The following FBXO40 variants were observed in gnomAD, a reference collection of about 807,000 sequenced individuals.
FBXO40 encodes F-box only protein 40.
In FBXO40, 50 loss-of-function variants were observed where a neutral mutation model predicts 49.9. The ratio of observed to expected loss-of-function variants is 1.00; its 90% confidence interval spans 0.80 to 1.27. The LOEUF is 1.27. Ranked by LOEUF, FBXO40 falls within the 50% of genes most tolerant of loss-of-function variation. The pLI is 0.00. For missense variants in FBXO40, 895 were observed against 870.1 expected (o/e 1.03, Z -0.36); for synonymous variants, 340 against 320.2 (o/e 1.06, Z -0.66).
At chr3:121,615,160 G>A (rs1340861522) in intron 1 of FBXO40, among the ~76,000 whole-genome samples, 38 of 140,740 alleles carry the variant, frequency 2.7e-4, no homozygotes, top group Admixed American at 2.3e-4. Context: ...AGCCAAGATC[G>A]TGCCACTGCA....
At chr3:121,606,886 TGGGTTATG>T (rs1178276528) in intron 1 of FBXO40, among the ~76,000 whole-genome samples, 1 of 152,164 alleles carries the variant, frequency 6.6e-6, no homozygotes, top group African/African-American at 2.4e-5. Flanking sequence ...GGATAGGTAT[TGGGTTATG>T]CCTGCCGTGA....
intron 1 of FBXO40, among the ~76,000 whole-genome samples, chr3:121,605,010 T>C (rs1047010984): frequency 3.9e-5 from 6 of 152,090 alleles, no homozygotes; most frequent in Admixed American, 1.3e-4. Context: ...TCTCCCTCTG[T>C]TGCCGAGGCT....
chr3:121,621,453 G>GTGTGT lies in FBXO40; in HGVS notation c.24_25insTGTGT (p.Pro9CysfsTer29). 1 of 1,613,578 alleles carries GTGTGT rather than the reference G, an allele frequency of 6.2e-7. No homozygotes were observed. The highest frequency in any genetic ancestry group is 1.1e-5 in the South Asian group (1 of 90,990). On this transcript the variant is annotated frameshift_variant, in exon 3 of 4. Coordinates refer to ENST00000338040, the MANE Select transcript of FBXO40 (RefSeq NM_016298.4). LOFTEE classifies it high-confidence loss of function. ...TCCAGGGGAAAGCCCGCAGATCCCC[G>GTGTGT]CCAGGGCACCACAGGCATTGTGAGG... is the stretch of plus-strand genomic sequence containing the variant.
intron 3 of FBXO40, 65 bp from the exon 4 acceptor site, chr3:121,626,630 C>T: frequency 6.8e-7 from 1 of 1,460,540 alleles, no homozygotes; most frequent in Non-Finnish European, 9.6e-7. Flanking sequence ...TTATAGTGCC[C>T]AAATAAAGCC....
chr3:121,622,746 C>G lies in FBXO40; in HGVS notation c.1317C>G (p.Ser439=), dbSNP rs908218069. ...QTYNFEPEQF[S]SGTVLADLTA... ...ACAACTTTGAGCCAGAACAGTTTTC[C>G]TCTGGGACAGTGCTGGCTGACCTAA... The change falls in exon 3 of 4, where the codon TCC becomes TCG. Residue 439 remains serine, a synonymous_variant. Coordinates refer to ENST00000338040, the MANE Select transcript of FBXO40 (RefSeq NM_016298.4). 6.2e-7 allele frequency: 1 copy of G among 1,614,188 alleles called. No individual in the cohort carries two copies.
At chr3:121,616,464 T>C (rs1405395424) in intron 1 of FBXO40, among the ~76,000 whole-genome samples, 1 of 152,348 alleles carries the variant, frequency 6.6e-6, no homozygotes, top group Non-Finnish European at 1.5e-5. Context: ...CAAATGGCGA[T>C]TGAGCACTTG....
rs542314612 is a variant in FBXO40 at position 121,620,290 on chromosome 3, G to A, written c.-30-256G>A. 1.3e-4 allele frequency among the ~76,000 whole-genome samples: 20 copies of A among 152,294 alleles called. No homozygotes were observed. The South Asian group carries it at 1.9e-3, about 14-fold the overall frequency. On this transcript the variant is annotated intron_variant, in intron 1 of 3. Transcript: ENST00000338040. ...GTAATATGCCCTATCAGAGGGCAGCGGGGGTCAGTGAAAATAACATGGGCC... is the reference window on the plus strand; with the variant it reads ...GTAATATGCCCTATCAGAGGGCAGCAGGGGTCAGTGAAAATAACATGGGCC...
intron 1 of FBXO40, among the ~76,000 whole-genome samples, chr3:121,607,439 A>G (rs939961476): frequency 6.7e-5 from 10 of 149,004 alleles, no homozygotes; most frequent in African/African-American, 2.5e-4. Flanking sequence ...CCTCCCAAGT[A>G]GCTGAGACTA....
intron 1 of FBXO40, among the ~76,000 whole-genome samples, chr3:121,606,129 G>T (rs1464101): frequency 0.35 from 53,238 of 152,076 alleles, 9,897 homozygotes; most frequent in East Asian, 0.65. Context: ...GGAGGATCAG[G>T]AAGACTAACC....
At chr3:121,606,384 C>A (rs1447239339) in intron 1 of FBXO40, among the ~76,000 whole-genome samples, 5 of 152,174 alleles carry the variant, frequency 3.3e-5, no homozygotes, top group Non-Finnish European at 7.4e-5. Flanking sequence ...AACTGTGAAT[C>A]CCTTGCAGTT....
In FBXO40 at chr3:121,622,980, A is replaced by C; in HGVS notation, c.1551A>C (p.Gly517=). 1 of 1,614,102 alleles carries C rather than the reference A, an allele frequency of 6.2e-7. No individual in the cohort carries two copies. Among genetic ancestry groups the C allele is most frequent in the Non-Finnish European group, 8.5e-7 (1 of 1,180,034 alleles). ...ATCGATGCCCCCTCGCCTACTTGGG[A>C]TGTACATTTGTTCAAAACCATTTCC... is the stretch of plus-strand genomic sequence containing the variant. The part of the protein sequence containing the change: ...FQHRCPLAYL[G]CTFVQNHFRP... Residue 517 remains glycine (G), a synonymous_variant, in exon 3 of 4, where the codon GGA becomes GGC. Transcript: ENST00000338040.
rs2108851402 is a variant in FBXO40, at chr3:121,622,461, T to G, written c.1032T>G (p.Val344=). 1 of 1,614,204 alleles carries G rather than the reference T, an allele frequency of 6.2e-7. No individual in the cohort carries two copies. Among genetic ancestry groups the G allele is most frequent in the Non-Finnish European group, 8.5e-7 (1 of 1,180,038 alleles). ...ATGGCAAGCTGGAGGCTCAGGAAGT[T>G]AAGACTGTTTACACCTTCAAAGTTC... The part of the protein sequence containing the change: ...FVYGKLEAQE[V]KTVYTFKVPV... Residue 344 remains valine, a synonymous_variant, in exon 3 of 4, where the codon GTT becomes GTG. Coordinates refer to ENST00000338040, the MANE Select transcript of FBXO40 (RefSeq NM_016298.4).
chr3:121,607,839 T>G (rs2048940175), intron 1 of FBXO40, among the ~76,000 whole-genome samples: 1 of 152,184 alleles, frequency 6.6e-6, no homozygotes, highest in Non-Finnish European at 1.5e-5. Flanking sequence ...CAGGCTGAAG[T>G]CATCTGTTTT....
At position 121,626,982 on chromosome 3, in the gene FBXO40, G is replaced by A. The variant is rs148616532; in HGVS notation, c.*72G>A. The A allele has an allele frequency of 0.016, 23,054 of 1,442,460 alleles. 201 individuals are homozygous for A. The highest frequency in any genetic ancestry group is 0.019 in the Non-Finnish European group (20,102 of 1,034,896). The allele number at this position is 1,442,460 out of a possible 1,614,324, so 89.4% of individuals were successfully genotyped here. ...GTTCCTGAAGTAGGACAGAGTGTGT[G>A]GTTTTGAGGACTCCCTTCTGTAAAC... On this transcript the variant is annotated 3_prime_UTR_variant, in exon 4 of 4. Coordinates refer to ENST00000338040, the MANE Select transcript of FBXO40 (RefSeq NM_016298.4).
rs1576458144 is a variant in FBXO40 at position 121,628,888 on chromosome 3, C to T, written c.*1978C>T. The T allele has an allele frequency of 1.3e-5, 2 of 152,160 alleles. No individual in the cohort carries two copies. The allele number at this position is 152,160 out of a possible 1,614,324, so 9.4% of individuals were successfully genotyped here. ...CTTTGGTTATACCTGAAGCCAGGAGCGTTGAGTTATTAGCCTTGTGTTTAT... is the reference window on the plus strand; with the variant it reads ...CTTTGGTTATACCTGAAGCCAGGAGTGTTGAGTTATTAGCCTTGTGTTTAT... On this transcript the variant is annotated 3_prime_UTR_variant, in exon 4 of 4. Coordinates refer to ENST00000338040, the MANE Select transcript of FBXO40 (RefSeq NM_016298.4).
At chr3:121,618,741 G>GTA (rs1462705201) in intron 1 of FBXO40, among the ~76,000 whole-genome samples, 1 of 151,676 alleles carries the variant, frequency 6.6e-6, no homozygotes, top group East Asian at 1.9e-4. Context: ...GTGTGTGTGT[G>GTA]TATGTGTGTG....
chr3:121,602,740 C>G (rs1443384851), intron 1 of FBXO40, among the ~76,000 whole-genome samples: 2 of 152,090 alleles, frequency 1.3e-5, no homozygotes, highest in Admixed American at 1.3e-4. Context: ...ATGCTTTAGC[C>G]TAATATTTAA....
At chr3:121,621,312 A>G in intron 2 of FBXO40, 121 bp from the exon 3 acceptor site, 1 of 799,118 alleles carries the variant, frequency 1.3e-6, no homozygotes, top group Non-Finnish European at 2.0e-6. Flanking sequence ...ATATATTTCA[A>G]GGTTTCTACA....
At chr3:121,600,831 TCTCTGC>T (rs2048897900) in intron 1 of FBXO40, among the ~76,000 whole-genome samples, 1 of 152,180 alleles carries the variant, frequency 6.6e-6, no homozygotes, top group Admixed American at 6.5e-5. Flanking sequence ...AAATTTCATT[TCTCTGC>T]CTCCGTGACA....
Sources: allele counts gnomAD v4.1 joint callset (sites outside exome capture counted in the v4.1 genomes callset), GRCh38; gene constraint gnomAD v4.1.1; transcripts MANE v1.5; gene names NCBI Gene and HGNC (gene_info 2026-07-23, HGNC 2026-07-21).